Variants in DYM observed in about 807,000 individuals in gnomAD.
DYM encodes dyggve-Melchior-Clausen syndrome protein.
A neutral mutation model predicts 93.1 loss-of-function variants in DYM; 78 were observed. The observed-to-expected ratio is 0.84, with a 90% CI of 0.70 to 1.01. The LOEUF is 1.01. Ranked by LOEUF, DYM falls within the 50% of genes least tolerant of loss-of-function variation. DYM has a pLI of 0.00. For synonymous variants in DYM, 321 were observed against 319.7 expected (o/e 1.00, Z -0.04); for missense variants, 789 against 845.0 (o/e 0.93, Z 0.82).
intron 2 of DYM, among the ~76,000 whole-genome samples, chr18:49,414,104 T>C (rs2072623520): frequency 6.7e-6 from 1 of 150,224 alleles, no homozygotes; most frequent in South Asian, 2.1e-4. Context: ...TATATGACAA[T>C]ACCCAGAGTA....
chr18:49,459,922 G>C (rs983014181), intron 1 of DYM, among the ~76,000 whole-genome samples: 3 of 146,822 alleles, frequency 2.0e-5, no homozygotes, highest in Non-Finnish European at 3.0e-5. Flanking sequence ...TTGGGGCGGG[G>C]GGGGCGGTGA....
At chr18:49,263,152 C>T (rs2094516430) in intron 11 of DYM, among the ~76,000 whole-genome samples, 1 of 151,724 alleles carries the variant, frequency 6.6e-6, no homozygotes, top group African/African-American at 2.4e-5. Flanking sequence ...GAGCCTCACT[C>T]TTATCATCCA....
intron 16 of DYM, chr18:49,116,624 T>C (rs906468379): frequency 7.2e-5 from 11 of 152,198 alleles, no homozygotes; most frequent in African/African-American, 2.7e-4. Flanking sequence ...GATAGTTTCT[T>C]TGAGAGCTGA....
chr18:49,446,873 A>T (rs2082134575), intron 1 of DYM, among the ~76,000 whole-genome samples: 2 of 152,090 alleles, frequency 1.3e-5, no homozygotes, highest in African/African-American at 4.8e-5. Flanking sequence ...AACCTGGCCA[A>T]CACGGTGAAA....
chr18:49,082,828 G>A (rs1439818918), intron 17 of DYM, among the ~76,000 whole-genome samples: 1 of 152,192 alleles, frequency 6.6e-6, no homozygotes, highest in Non-Finnish European at 1.5e-5. Flanking sequence ...GCACAATGCT[G>A]AATACATGTG....
chr18:49,073,495 T>C (rs1410880136), intron 17 of DYM, among the ~76,000 whole-genome samples: 1 of 151,982 alleles, frequency 6.6e-6, no homozygotes, highest in Non-Finnish European at 1.5e-5. Flanking sequence ...AAGAGAAGTT[T>C]GGAAAAGTCT....
At chr18:49,442,774 CT>C (rs1308222711) in intron 1 of DYM, among the ~76,000 whole-genome samples, 1 of 151,894 alleles carries the variant, frequency 6.6e-6, no homozygotes, top group Non-Finnish European at 1.5e-5. Flanking sequence ...TGGCGTGGTA[CT>C]TTTTTTTCTC....
chr18:49,313,250 G>C (rs1361107022), intron 8 of DYM, among the ~76,000 whole-genome samples: 1 of 151,942 alleles, frequency 6.6e-6, no homozygotes, highest in Non-Finnish European at 1.5e-5. Flanking sequence ...CGGATCACGA[G>C]ATCAGGAGTT....
chr18:49,268,428 A>G (rs2094608132), intron 11 of DYM, among the ~76,000 whole-genome samples: 1 of 152,226 alleles, frequency 6.6e-6, no homozygotes, highest in Non-Finnish European at 1.5e-5. Context: ...AACTTTCCCT[A>G]TCTTACCAAC....
chr18:49,044,605 G>C (rs1056332230), intron 17 of DYM, among the ~76,000 whole-genome samples: 1 of 152,254 alleles, frequency 6.6e-6, no homozygotes, highest in Non-Finnish European at 1.5e-5. Context: ...TGTCCTCAGG[G>C]TTCCACCATT....
chr18:49,436,487 T>C (rs1347765781), intron 1 of DYM, among the ~76,000 whole-genome samples: 1 of 152,216 alleles, frequency 6.6e-6, no homozygotes, highest in Non-Finnish European at 1.5e-5. Context: ...CTAGTTCCTT[T>C]TTAGCCAAAG....
chr18:49,136,694 CTT>C (rs2083889192), intron 15 of DYM, among the ~76,000 whole-genome samples: 1 of 152,102 alleles, frequency 6.6e-6, no homozygotes, highest in South Asian at 2.1e-4. Flanking sequence ...TAAAAATACT[CTT>C]AATCAGGCAT....
intron 17 of DYM, among the ~76,000 whole-genome samples, chr18:49,044,708 C>T (rs1401188770): frequency 1.3e-5 from 2 of 152,132 alleles, no homozygotes; most frequent in Admixed American, 6.5e-5. Flanking sequence ...TCTGGAGGAG[C>T]GGGGGTCTGG....
chr18:49,392,681 T>TTTAA (rs1452175055), intron 2 of DYM, among the ~76,000 whole-genome samples: 2 of 68,470 alleles, frequency 2.9e-5, no homozygotes, highest in Non-Finnish European at 4.9e-5. Context: ...GGCTTTTATT[T>TTTAA]AAAAAAAAAA....
intron 8 of DYM, among the ~76,000 whole-genome samples, chr18:49,308,172 T>C (rs1036326583): frequency 1.3e-5 from 2 of 151,950 alleles, no homozygotes; most frequent in Admixed American, 6.6e-5. Context: ...AAAACAGCTA[T>C]TTTTTTTACA....
chr18:49,102,819 T>G (rs2080319458), intron 16 of DYM, among the ~76,000 whole-genome samples: 1 of 152,240 alleles, frequency 6.6e-6, no homozygotes, highest in Non-Finnish European at 1.5e-5. Flanking sequence ...CTATCATTGA[T>G]GGACATTTGG....
chr18:49,085,127 G>T (rs543540742), intron 17 of DYM, among the ~76,000 whole-genome samples: 1 of 152,270 alleles, frequency 6.6e-6, no homozygotes, highest in South Asian at 2.1e-4. Flanking sequence ...CTATGTTCTA[G>T]ATACAATGTA....
intron 13 of DYM, among the ~76,000 whole-genome samples, chr18:49,217,147 G>A (rs536973094): frequency 6.6e-5 from 10 of 152,164 alleles, no homozygotes; most frequent in Admixed American, 1.3e-4. Context: ...TGGAAGAAAG[G>A]GTATCAGTGA....
chr18:49,278,796 C>T (rs1163830934), intron 10 of DYM, among the ~76,000 whole-genome samples: 2 of 152,026 alleles, frequency 1.3e-5, no homozygotes, highest in African/African-American at 4.8e-5. Flanking sequence ...ATCATTCAGC[C>T]CCTAGAACCA....
Sources: gnomAD v4.1 joint callset for allele counts (sites outside exome capture counted in the v4.1 genomes callset) on GRCh38, gnomAD v4.1.1 for gene constraint, MANE v1.5 for transcripts, NCBI Gene and HGNC (gene_info 2026-07-23, HGNC 2026-07-21) for gene names.